Variants in HMGCLL1 observed in about 807,000 individuals in gnomAD.
HMGCLL1 encodes 3-hydroxymethyl-3-methylglutaryl-CoA lyase, cytoplasmic.
In HMGCLL1, 36 loss-of-function variants were observed where a neutral mutation model predicts 39.1. The observed-to-expected ratio is 0.92, with a 90% confidence interval of 0.71 to 1.22. The LOEUF is 1.22. HMGCLL1 is among the 50% of genes most tolerant of loss of function. The pLI, the probability that HMGCLL1 is intolerant of heterozygous loss-of-function variation, is 0.00. For synonymous variants in HMGCLL1, 149 were observed against 144.0 expected, an observed-to-expected ratio of 1.03 and a Z score of -0.25; for missense variants, 451 against 416.5, an observed-to-expected ratio of 1.08 and a Z score of -0.72.
chr6:55,476,410 C>T (rs903211451), intron 7 of HMGCLL1, among the ~76,000 whole-genome samples: 1 of 151,320 alleles, frequency 6.6e-6, no homozygotes, highest in South Asian at 2.1e-4. Flanking sequence ...ATATATTGTG[C>T]TTATATTCTA....
chr6:55,476,649 T>A (rs1416973297), intron 7 of HMGCLL1, among the ~76,000 whole-genome samples: 1 of 151,764 alleles, frequency 6.6e-6, no homozygotes, highest in Non-Finnish European at 1.5e-5. Flanking sequence ...ATTTTTCTTC[T>A]TTATTAATGT....
the HMGCLL1 span, among the ~76,000 whole-genome samples, chr6:55,665,060 C>T: frequency 2.0e-5 from 3 of 151,682 alleles, no homozygotes; most frequent in African/African-American, 7.3e-5. Flanking sequence ...TCAGCACATA[C>T]TCAAGGAGGA....
the HMGCLL1 span, among the ~76,000 whole-genome samples, chr6:55,647,813 C>T: frequency 1.7e-5 from 2 of 114,306 alleles, no homozygotes; most frequent in African/African-American, 7.1e-5. Context: ...TACATGTGCA[C>T]ATTGTGCAGG....
intron 3 of HMGCLL1, among the ~76,000 whole-genome samples, chr6:55,541,242 T>C (rs1236005127): frequency 6.6e-6 from 1 of 152,162 alleles, no homozygotes; most frequent in Non-Finnish European, 1.5e-5. Context: ...CTCTGCTTTA[T>C]CTTCAATGAT....
intron 1 of HMGCLL1, among the ~76,000 whole-genome samples, chr6:55,566,145 T>G (rs548815462): frequency 1.1e-3 from 166 of 152,220 alleles, no homozygotes; most frequent in Non-Finnish European, 1.9e-3. Context: ...AAAAAGTGAA[T>G]GCCAGACTCT....
chr6:55,479,779 T>A (rs1765638752), intron 7 of HMGCLL1, among the ~76,000 whole-genome samples: 1 of 151,666 alleles, frequency 6.6e-6, no homozygotes, highest in Admixed American at 6.6e-5. Context: ...TCGATTGCTT[T>A]TAATCACTTT....
chr6:55,577,968 A>G (rs556912170), intron 1 of HMGCLL1, among the ~76,000 whole-genome samples: 1 of 152,348 alleles, frequency 6.6e-6, no homozygotes, highest in Admixed American at 6.5e-5. Context: ...TGTAAAGATA[A>G]GATTGCAATT....
the HMGCLL1 span, among the ~76,000 whole-genome samples, chr6:55,605,183 A>C: frequency 6.6e-6 from 1 of 152,170 alleles, no homozygotes; most frequent in Admixed American, 6.5e-5. Context: ...TGAGTAAAGA[A>C]GGAAAGGGTA....
At chr6:55,604,789 G>A in the HMGCLL1 span, among the ~76,000 whole-genome samples, 4 of 152,006 alleles carry the variant, frequency 2.6e-5, no homozygotes, top group Non-Finnish European at 4.4e-5. Context: ...CTGAATACAC[G>A]GAGTTATGTT....
At chr6:55,543,188 A>AATATATTATATATTATATATTATATATT (rs1554155949) in intron 1 of HMGCLL1, among the ~76,000 whole-genome samples, 1 of 7,340 alleles carries the variant, frequency 1.4e-4, no homozygotes, top group Non-Finnish European at 3.4e-4. Context: ...TATAATATAT[A>AATATATTATATATTATATATTATATATT]ATATATTATA....
chr6:55,577,015 A>G (rs1771790731), intron 1 of HMGCLL1: 14 of 1,601,344 alleles, frequency 8.7e-6, no homozygotes, highest in Admixed American at 1.7e-5. Flanking sequence ...CAGTGAGTGT[A>G]GATTGTCACT....
intron 5 of HMGCLL1, among the ~76,000 whole-genome samples, chr6:55,503,617 A>G (rs547671727): frequency 6.6e-6 from 1 of 151,806 alleles, no homozygotes; most frequent in East Asian, 1.9e-4. Flanking sequence ...CCATAACCCC[A>G]GGATCAACCC....
the HMGCLL1 span, among the ~76,000 whole-genome samples, chr6:55,665,611 T>C: frequency 1.3e-5 from 2 of 151,746 alleles, no homozygotes; most frequent in Admixed American, 6.6e-5. Context: ...AAATTGTTTC[T>C]TCATCCAAGG....
At chr6:55,442,637 C>G (rs1206219639) in intron 7 of HMGCLL1, among the ~76,000 whole-genome samples, 1 of 152,166 alleles carries the variant, frequency 6.6e-6, no homozygotes, top group Non-Finnish European at 1.5e-5. Context: ...TAGACTGTTT[C>G]TCTACCTCCA....
At chr6:55,656,932 T>G in the HMGCLL1 span, among the ~76,000 whole-genome samples, 1 of 151,896 alleles carries the variant, frequency 6.6e-6, no homozygotes, top group African/African-American at 2.4e-5. Flanking sequence ...CTTGTGGCAG[T>G]GGTGAGAAGT....
chr6:55,670,933 A>G, the HMGCLL1 span, among the ~76,000 whole-genome samples: 1 of 151,848 alleles, frequency 6.6e-6, no homozygotes, highest in Non-Finnish European at 1.5e-5. Context: ...TTCAAATATA[A>G]TGATAAGGAC....
intron 1 of HMGCLL1, among the ~76,000 whole-genome samples, chr6:55,544,569 T>C (rs1013072356): frequency 6.6e-6 from 1 of 152,166 alleles, no homozygotes; most frequent in African/African-American, 2.4e-5. Context: ...TCACACTCTG[T>C]CCTTGTAAAA....
Position 55,579,166 on chromosome 6 carries a change from T to A in HMGCLL1, c.-111A>T, listed in dbSNP as rs1771922097. On this transcript the variant is annotated 5_prime_UTR_variant, in exon 1 of 9. Coordinates refer to ENST00000274901, the MANE Select transcript of HMGCLL1 (RefSeq NM_001042406.2). Reference sequence around the variant, plus strand: ...TCGGGAGCGCGCCCCTCCGGTGCACTGGCTGTGAGGACCAGAGCTGTTCTG... The same window carrying A: ...TCGGGAGCGCGCCCCTCCGGTGCACAGGCTGTGAGGACCAGAGCTGTTCTG... 2.5e-6 allele frequency: 2 copies of A among 787,562 alleles called. No homozygotes were observed. Among genetic ancestry groups the A allele is most frequent in the African/African-American group, 3.4e-5 (2 of 58,776 alleles). 48.8% of individuals were successfully genotyped at this position (787,562 alleles called of 1,614,324 possible). A position where few individuals can be genotyped will look rare whatever the true frequency, so the allele number is the denominator to read the frequency against.
the HMGCLL1 span, among the ~76,000 whole-genome samples, chr6:55,618,703 GTATGT>G: frequency 2.0e-5 from 3 of 152,050 alleles, no homozygotes; most frequent in Non-Finnish European, 4.4e-5. Flanking sequence ...TCTGCAGTAA[GTATGT>G]TATAAGATTG....
Sources: gnomAD v4.1 joint callset for allele counts (sites outside exome capture counted in the v4.1 genomes callset) on GRCh38, gnomAD v4.1.1 for gene constraint, MANE v1.5 for transcripts, NCBI Gene and HGNC (gene_info 2026-07-23, HGNC 2026-07-21) for gene names.